CNTN1: variants seen among roughly 807,000 people sequenced by gnomAD.
CNTN1 encodes contactin-1.
A neutral mutation model predicts 126.4 loss-of-function variants in CNTN1; 38 were observed. The ratio of observed to expected loss-of-function variants is 0.30; its 90% CI spans 0.23 to 0.39. CNTN1 has a LOEUF of 0.39. Among genes scored for constraint, CNTN1 ranks in the 10% least tolerant of loss-of-function variants. The pLI is 1.00. For missense variants in CNTN1, 1,009 were observed against 1,248.4 expected (o/e 0.81, Z 2.89); for synonymous variants, 413 against 422.6 (o/e 0.98, Z 0.28).
intron 1 of CNTN1, among the ~76,000 whole-genome samples, chr12:40,822,588 T>C (rs1463723532): frequency 6.6e-6 from 1 of 152,166 alleles, no homozygotes; most frequent in African/African-American, 2.4e-5. Context: ...TTAAAAATGC[T>C]ATTAAAGTGT....
At chr12:40,779,788 C>T (rs138758248) in intron 1 of CNTN1, among the ~76,000 whole-genome samples, 1 of 151,926 alleles carries the variant, frequency 6.6e-6, no homozygotes, top group Non-Finnish European at 1.5e-5. Flanking sequence ...AGTGTCATTG[C>T]CATTGATATC....
chr12:41,013,708 GGA>G (rs1464605793), intron 17 of CNTN1, among the ~76,000 whole-genome samples: 1 of 152,118 alleles, frequency 6.6e-6, no homozygotes, highest in Admixed American at 6.5e-5. Context: ...AGAGAACGGG[GGA>G]GAGAGTACTT....
intron 1 of CNTN1, among the ~76,000 whole-genome samples, chr12:40,783,614 A>G (rs1939888905): frequency 6.6e-6 from 1 of 152,110 alleles, no homozygotes; most frequent in African/African-American, 2.4e-5. Flanking sequence ...TTCATATGGT[A>G]TTATCACCAT....
intron 1 of CNTN1, among the ~76,000 whole-genome samples, chr12:40,694,029 T>C (rs1316070386): frequency 1.3e-5 from 2 of 152,220 alleles, no homozygotes; most frequent in Non-Finnish European, 2.9e-5. Context: ...CATATGAACC[T>C]TACCAGCCCG....
At chr12:40,894,781 T>G (rs1015458848) in intron 1 of CNTN1, among the ~76,000 whole-genome samples, 17 of 152,326 alleles carry the variant, frequency 1.1e-4, no homozygotes, top group African/African-American at 3.8e-4. Flanking sequence ...AAATCAATTC[T>G]ATGAAATAAA....
chr12:40,971,602 G>T (rs970470179), intron 15 of CNTN1: 1 of 1,520,766 alleles, frequency 6.6e-7, no homozygotes, highest in East Asian at 2.5e-5. Context: ...AGCTTCTGCA[G>T]TTCTCCCCAC....
intron 3 of CNTN1, among the ~76,000 whole-genome samples, chr12:40,911,993 T>C (rs1232426067): frequency 6.6e-6 from 1 of 152,218 alleles, no homozygotes; most frequent in Non-Finnish European, 1.5e-5. Flanking sequence ...ATTACTCAGG[T>C]GAATTGAAAT....
At chr12:40,913,268 A>G (rs1261743443) in intron 3 of CNTN1, among the ~76,000 whole-genome samples, 1 of 152,228 alleles carries the variant, frequency 6.6e-6, no homozygotes, top group African/African-American at 2.4e-5. Context: ...GAGTGTTTAA[A>G]GGCTAAGCCC....
chr12:41,016,208 C>T (rs1009520641), intron 18 of CNTN1, among the ~76,000 whole-genome samples: 2 of 152,148 alleles, frequency 1.3e-5, no homozygotes, highest in Admixed American at 1.3e-4. Flanking sequence ...AACGTGTATT[C>T]TAGTAGTTGA....
At chr12:40,859,251 C>T (rs1592168262) in intron 1 of CNTN1, among the ~76,000 whole-genome samples, 1 of 152,022 alleles carries the variant, frequency 6.6e-6, no homozygotes, top group African/African-American at 2.4e-5. Flanking sequence ...GACTAATAGA[C>T]TAATAGTTCC....
At chr12:40,747,786 G>C (rs954310007) in intron 1 of CNTN1, among the ~76,000 whole-genome samples, 1 of 152,110 alleles carries the variant, frequency 6.6e-6, no homozygotes, top group African/African-American at 2.4e-5. Context: ...CCAAAAAAAA[G>C]TGTTTCTTAA....
intron 15 of CNTN1, among the ~76,000 whole-genome samples, chr12:40,965,703 C>T (rs1947280992): frequency 6.6e-6 from 1 of 152,042 alleles, no homozygotes; most frequent in South Asian, 2.1e-4. Context: ...CCGCATGTTG[C>T]CATGTGAAAA....
intron 23 of CNTN1, among the ~76,000 whole-genome samples, chr12:41,064,490 G>T (rs141779077): frequency 1.1e-4 from 16 of 152,306 alleles, no homozygotes; most frequent in Middle Eastern, 3.4e-3. Context: ...AAATGTAGTA[G>T]GAATTGCTAC....
intron 2 of CNTN1, among the ~76,000 whole-genome samples, chr12:40,909,332 TAC>T (rs1033914015): frequency 9.2e-5 from 14 of 151,968 alleles, no homozygotes; most frequent in African/African-American, 3.1e-4. Flanking sequence ...ACCCAACTAG[TAC>T]TTATTGAGCT....
chr12:40,971,519 G>C (rs769525007), intron 15 of CNTN1: 3 of 1,594,752 alleles, frequency 1.9e-6, no homozygotes, highest in Admixed American at 1.7e-5. Flanking sequence ...GGTGATCGTT[G>C]ACACTCACCA....
chr12:40,930,457 A>T (rs1374740086), intron 7 of CNTN1, among the ~76,000 whole-genome samples: 2 of 152,004 alleles, frequency 1.3e-5, no homozygotes, highest in African/African-American at 4.8e-5. Flanking sequence ...CATGATACAA[A>T]TAAGTAAATA....
intron 15 of CNTN1, among the ~76,000 whole-genome samples, chr12:40,966,614 T>C (rs890890068): frequency 2.6e-5 from 4 of 152,214 alleles, no homozygotes; most frequent in Non-Finnish European, 5.9e-5. Flanking sequence ...ATGACAGCTT[T>C]CCCAATTACT....
intron 1 of CNTN1, among the ~76,000 whole-genome samples, chr12:40,818,451 T>C (rs1941326713): frequency 6.6e-6 from 1 of 152,186 alleles, no homozygotes; most frequent in Non-Finnish European, 1.5e-5. Flanking sequence ...TCTTCCGCTT[T>C]GTCAATTCTT....
At chr12:40,732,591 CACTA>C (rs1401591142) in intron 1 of CNTN1, among the ~76,000 whole-genome samples, 1 of 151,902 alleles carries the variant, frequency 6.6e-6, no homozygotes, top group Admixed American at 6.6e-5. Context: ...AATGAGAAAC[CACTA>C]ACTGTGATGG....
Sources: allele counts gnomAD v4.1 joint callset (sites outside exome capture counted in the v4.1 genomes callset), GRCh38; gene constraint gnomAD v4.1.1; transcripts MANE v1.5; gene names NCBI Gene and HGNC (gene_info 2026-07-23, HGNC 2026-07-21).